The following CD38 variants were observed in gnomAD, a reference collection of about 807,000 sequenced individuals.
CD38 encodes CD38 molecule.
A neutral mutation model predicts 36.3 loss-of-function variants in CD38; 31 were observed. The ratio of observed to expected loss-of-function variants is 0.85; its 90% CI spans 0.64 to 1.15. The LOEUF is 1.15. CD38 is among the 50% of genes most tolerant of loss of function. CD38 has a pLI of 0.00. For missense variants in CD38, 380 were observed against 371.9 expected, an observed-to-expected ratio of 1.02 and a Z score of -0.18; for synonymous variants, 131 against 135.2, an observed-to-expected ratio of 0.97 and a Z score of 0.22.
intron 7 of CD38, among the ~76,000 whole-genome samples, chr4:15,842,046 G>T (rs893677776): frequency 7.2e-6 from 1 of 139,756 alleles, no homozygotes. Context: ...CTCGAACTGG[G>T]TGGAGCCCAC....
At chr4:15,809,384 C>T (rs1404705427) in intron 1 of CD38, among the ~76,000 whole-genome samples, 2 of 152,142 alleles carry the variant, frequency 1.3e-5, no homozygotes. Flanking sequence ...AGTCACATTT[C>T]CTTTATAAAC....
At chr4:15,838,065 T>C (rs1177529421) in intron 4 of CD38, 27 bp from the exon 5 acceptor site, 3 of 1,592,810 alleles carry the variant, frequency 1.9e-6, no homozygotes, top group Non-Finnish European at 2.6e-6. Flanking sequence ...GTTTGCATGA[T>C]GAATGGTGGG....
chr4:15,794,148 C>T (rs967967141), intron 1 of CD38, among the ~76,000 whole-genome samples: 3 of 152,196 alleles, frequency 2.0e-5, no homozygotes, highest in African/African-American at 4.8e-5. Flanking sequence ...CTGTCTTCTG[C>T]CCTGGATGTG....
At chr4:15,782,928 C>T (rs756708243) in intron 1 of CD38, among the ~76,000 whole-genome samples, 1 of 152,136 alleles carries the variant, frequency 6.6e-6, no homozygotes, top group Non-Finnish European at 1.5e-5. Flanking sequence ...TAAGGGTCTC[C>T]AGAGAAACTC....
intron 7 of CD38, among the ~76,000 whole-genome samples, chr4:15,841,211 T>C (rs886554128): frequency 2.6e-5 from 4 of 152,200 alleles, no homozygotes; most frequent in East Asian, 1.9e-4. Context: ...TAGGTACTCA[T>C]TGGTAGAAGC....
chr4:15,839,000 G>T (rs115395827), intron 5 of CD38, among the ~76,000 whole-genome samples: 1,724 of 151,982 alleles, frequency 0.011, 27 homozygotes, highest in African/African-American at 0.039. Flanking sequence ...TTACCTTTTC[G>T]GCCTTTGTTC....
In CD38 at chr4:15,834,277, T is replaced by G. The variant is rs1292035987; in HGVS notation, c.560T>G (p.Val187Gly). The G allele has an allele frequency of 6.2e-7, 1 of 1,612,820 alleles. No individual in the cohort carries two copies. Residue 187 changes from valine (V) to glycine (G), a missense_variant, in exon 4 of 8, where the codon GTA (valine) becomes GGA (glycine). Transcript: ENST00000226279. ...GACTGCAGCAACAACCCTGTTTCAG[T>G]ATTCTGGAAAACGGTTTCCCGCAGG... is the stretch of plus-strand genomic sequence containing the variant. ...RKDCSNNPVS[V>G]FWKTVSRRFA...
At chr4:15,801,769 A>G (rs1028046347) in intron 1 of CD38, among the ~76,000 whole-genome samples, 1 of 152,150 alleles carries the variant, frequency 6.6e-6, no homozygotes, top group African/African-American at 2.4e-5. Context: ...CTCTCAAACA[A>G]TTAGGTTTAG....
intron 1 of CD38, among the ~76,000 whole-genome samples, chr4:15,791,018 G>T (rs374030916): frequency 2.1e-5 from 3 of 144,574 alleles, no homozygotes; most frequent in Admixed American, 6.7e-5. Flanking sequence ...GTCTCCGCCC[G>T]GCAGCCACCC....
rs950566 is a variant in CD38, at chr4:15,838,170, A to G, written c.659+5A>G. 3,829 of 1,603,422 alleles carry G rather than the reference A, an allele frequency of 2.4e-3. 80 individuals carry two copies. In the African/African-American group the frequency reaches 0.046, roughly 19 times the overall value. ...TAAAATCTTTGACAAAAACAGGTAC[A>G]CATTTATTTTGCATCCTGTTTGCAA... On this transcript the variant is annotated splice_donor_5th_base_variant and intron_variant, in intron 5 of 7. Transcript: ENST00000226279.
Position 15,849,747 on chromosome 4 carries a change from CAT to C in CD38, c.*1147_*1148del, listed in dbSNP as rs1393156047. ...TTGCTCTTCTCTTTAGCATTGGAAA[CAT>C]AGAAATGCTTTCTGATTTCTTTGGG... On this transcript the variant is annotated 3_prime_UTR_variant, in exon 8 of 8. Coordinates refer to ENST00000226279, the MANE Select transcript of CD38 (RefSeq NM_001775.4). 8 of 152,148 alleles carry C rather than the reference CAT, an allele frequency of 5.3e-5. No homozygotes were observed. The highest frequency in any genetic ancestry group is 2.1e-4 in the South Asian group (1 of 4,836). The allele number at this position is 152,148 out of a possible 1,614,324, so 9.4% of individuals were successfully genotyped here. A position where few individuals can be genotyped will look rare whatever the true frequency, so the allele number is the denominator to read the frequency against.
chr4:15,801,285 A>T (rs1159630805), intron 1 of CD38, among the ~76,000 whole-genome samples: 1 of 152,054 alleles, frequency 6.6e-6, no homozygotes, highest in Non-Finnish European at 1.5e-5. Flanking sequence ...AATAATTTTT[A>T]TTAAACAACA....
intron 1 of CD38, among the ~76,000 whole-genome samples, chr4:15,810,644 C>T (rs1260808657): frequency 6.6e-6 from 1 of 151,998 alleles, no homozygotes; most frequent in Admixed American, 6.6e-5. Flanking sequence ...ATATAATGTA[C>T]GGAGAAAACC....
intron 1 of CD38, among the ~76,000 whole-genome samples, chr4:15,796,049 G>A (rs1723097862): frequency 6.6e-6 from 1 of 152,086 alleles, no homozygotes; most frequent in Non-Finnish European, 1.5e-5. Context: ...GTTCCTAAAA[G>A]AGATAGTTTA....
chr4:15,778,368 C>A lies in CD38; in HGVS notation c.-47C>A. ...AGCCAGCCTCTCTCTTGCTGCCTAGCCTCCTGCCGGCCTCATCTTCGCCCA... is the reference window on the plus strand; with the variant it reads ...AGCCAGCCTCTCTCTTGCTGCCTAGACTCCTGCCGGCCTCATCTTCGCCCA... On this transcript the variant is annotated 5_prime_UTR_variant, in exon 1 of 8. Transcript: ENST00000226279. The surrounding 1 kb of genome is among the most constrained non-coding windows in gnomAD (Gnocchi z 4.9). 1 of 1,288,024 alleles carries A rather than the reference C, an allele frequency of 7.8e-7. No individual in the cohort carries two copies. The highest frequency in any genetic ancestry group is 1.1e-6 in the Non-Finnish European group (1 of 886,696). The allele number at this position is 1,288,024 out of a possible 1,614,324, so 79.8% of individuals were successfully genotyped here. A position where few individuals can be genotyped will look rare whatever the true frequency, so the allele number is the denominator to read the frequency against.
intron 7 of CD38, among the ~76,000 whole-genome samples, chr4:15,847,467 C>A (rs1159680288): frequency 1.0e-4 from 9 of 85,748 alleles, no homozygotes; most frequent in Middle Eastern, 4.5e-3. Flanking sequence ...CTAGATGACA[C>A]ATTAGTGGGT....
At chr4:15,787,717 C>T (rs1226495751) in intron 1 of CD38, among the ~76,000 whole-genome samples, 1 of 152,178 alleles carries the variant, frequency 6.6e-6, no homozygotes, top group Non-Finnish European at 1.5e-5. Flanking sequence ...GGCTGAGCGA[C>T]AGATGAAAGG....
rs1414764943 is a variant in CD38, at chr4:15,848,569, T to C, written c.870T>C (p.Asn290=). The stretch of plus-strand genomic sequence containing the variant: ...ACAAGTTTCTTCAGTGTGTGAAAAA[T>C]CCTGAGGATTCATCTTGCACATCTG... The part of the protein sequence containing the change: ...RPDKFLQCVK[N]PEDSSCTSEI Residue 290 remains asparagine, a synonymous_variant, in exon 8 of 8, where the codon AAT becomes AAC. Coordinates refer to ENST00000226279, the MANE Select transcript of CD38 (RefSeq NM_001775.4). 6.2e-7 allele frequency: 1 copy of C among 1,613,952 alleles called. No homozygotes were observed. The highest frequency in any genetic ancestry group is 8.5e-7 in the Non-Finnish European group (1 of 1,179,856).
chr4:15,821,072 C>T (rs931590465), intron 2 of CD38, among the ~76,000 whole-genome samples: 8 of 152,138 alleles, frequency 5.3e-5, no homozygotes, highest in African/African-American at 1.9e-4. Context: ...AATTGAACAA[C>T]CTGCTCCTGA....
Sources: allele counts gnomAD v4.1 joint callset (sites outside exome capture counted in the v4.1 genomes callset), GRCh38; gene constraint gnomAD v4.1.1; non-coding constraint Gnocchi (gnomAD v3.1); transcripts MANE v1.5; gene names NCBI Gene and HGNC (gene_info 2026-07-23, HGNC 2026-07-21).